Variants in IL17B observed in about 807,000 individuals in gnomAD.
IL17B encodes the protein interleukin 17B.
A neutral mutation model predicts 14.7 loss-of-function variants in IL17B; 14 were observed. That is an observed-to-expected ratio of 0.95 (90% CI 0.63 to 1.49). The LOEUF (loss-of-function observed/expected upper bound fraction) is 1.49, where lower values mean the gene tolerates loss of function less well. IL17B is among the 40% of genes most tolerant of loss of function. The pLI is 0.00. For synonymous variants in IL17B, 105 were observed against 94.8 expected (o/e 1.11, Z -0.62); for missense variants, 233 against 252.8 (o/e 0.92, Z 0.53).
At chr5:149,378,686 A>T (rs1221541523) in intron 1 of IL17B, among the ~76,000 whole-genome samples, 2 of 152,352 alleles carry the variant, frequency 1.3e-5, no homozygotes, top group South Asian at 4.1e-4. Context: ...TGCAACAGAG[A>T]TTCAAGTGCT....
At chr5:149,387,266 A>C (rs974346373) in intron 1 of IL17B, among the ~76,000 whole-genome samples, 1 of 152,220 alleles carries the variant, frequency 6.6e-6, no homozygotes, top group African/African-American at 2.4e-5. Flanking sequence ...TACTGTGAGG[A>C]AAGAGGAAGA....
chr5:149,375,069 G>T (rs1334109810), intron 2 of IL17B: 1 of 155,724 alleles, frequency 6.4e-6, no homozygotes, highest in African/African-American at 2.4e-5. Context: ...TGTTTATATT[G>T]TTGGGAAACT....
chr5:149,389,636 C>G (rs756702658), intron 1 of IL17B, among the ~76,000 whole-genome samples: 4 of 152,192 alleles, frequency 2.6e-5, no homozygotes, highest in African/African-American at 7.2e-5. Context: ...AGGAGGGGAT[C>G]TCCTGGAATT....
intron 1 of IL17B, among the ~76,000 whole-genome samples, chr5:149,400,935 TCTCGATGGA>T (rs898500713): frequency 3.3e-5 from 5 of 152,082 alleles, no homozygotes; most frequent in African/African-American, 1.2e-4. Context: ...CTAGTCAGGC[TCTCGATGGA>T]CTAGATGCTG....
intron 1 of IL17B, among the ~76,000 whole-genome samples, chr5:149,401,978 G>A (rs1057084426): frequency 2.0e-5 from 3 of 152,176 alleles, no homozygotes; most frequent in Non-Finnish European, 4.4e-5. Context: ...TGTTCAGGGT[G>A]CAATTAGTGT....
At chr5:149,385,356 A>C (rs1366930241) in intron 1 of IL17B, among the ~76,000 whole-genome samples, 1 of 149,240 alleles carries the variant, frequency 6.7e-6, no homozygotes, top group East Asian at 2.0e-4. Context: ...ACTCCATCTC[A>C]GAAAAAACAA....
chr5:149,384,018 G>A (rs138400245), upstream of IL17B, among the ~76,000 whole-genome samples: 4 of 152,332 alleles, frequency 2.6e-5, no homozygotes, highest in South Asian at 2.1e-4. Context: ...GCCATCAGAG[G>A]TAGGGGATAC....
intron 1 of IL17B, among the ~76,000 whole-genome samples, chr5:149,384,522 G>T (rs754059637): frequency 6.6e-6 from 1 of 152,172 alleles, no homozygotes; most frequent in Non-Finnish European, 1.5e-5. Flanking sequence ...AAGCACAGAC[G>T]ATGAACCAGA....
At chr5:149,400,810 T>C (rs1429717913) in intron 1 of IL17B, among the ~76,000 whole-genome samples, 2 of 152,152 alleles carry the variant, frequency 1.3e-5, no homozygotes, top group Non-Finnish European at 2.9e-5. Flanking sequence ...GTGCCACTGG[T>C]GTAAGTCCCA....
chr5:149,403,076 T>C (rs867457367), intron 1 of IL17B, among the ~76,000 whole-genome samples: 6 of 133,930 alleles, frequency 4.5e-5, no homozygotes, highest in South Asian at 4.3e-4. Context: ...CTGTTTTGTT[T>C]TGTTTTGTTT....
Position 149,376,738 on chromosome 5 carries a change from G to C in IL17B, c.309C>G (p.Tyr103Ter). The change falls in exon 2 of 3, where the codon TAC becomes TAG. Residue 103 changes from tyrosine (Y) to a stop codon, truncating the protein, a stop_gained and splice_region_variant. Coordinates refer to ENST00000261796, the MANE Select transcript of IL17B (RefSeq NM_014443.3). LOFTEE classifies it high-confidence loss of function. The stretch of plus-strand genomic sequence containing the variant: ...CTTGCCACCACTGCCCAGCCTACCT[G>C]TAGCCCCAGGGAGACAGGCTCCTCT... ...SNKRSLSPWG[Y>*]SINHDPSRIP... The C allele has an allele frequency of 1.2e-6, 2 of 1,603,188 alleles. No individual in the cohort carries two copies. The highest frequency in any genetic ancestry group is 1.7e-6 in the Non-Finnish European group (2 of 1,174,290).
intron 1 of IL17B, among the ~76,000 whole-genome samples, chr5:149,398,117 G>C (rs1759128795): frequency 6.6e-6 from 1 of 152,064 alleles, no homozygotes; most frequent in Non-Finnish European, 1.5e-5. Context: ...AAGTCCATAA[G>C]TCCACCCCTT....
At chr5:149,392,149 C>G (rs1463657156) in intron 1 of IL17B, among the ~76,000 whole-genome samples, 4 of 152,230 alleles carry the variant, frequency 2.6e-5, no homozygotes, top group Non-Finnish European at 5.9e-5. Context: ...TTTGATCCAA[C>G]AATCGCTCTT....
At chr5:149,383,017 T>C (rs1758738608), upstream of IL17B, among the ~76,000 whole-genome samples, 1 of 152,222 alleles carries the variant, frequency 6.6e-6, no homozygotes, top group Admixed American at 6.5e-5. Flanking sequence ...CCTCCACAGA[T>C]GGGCTGGCCT....
upstream of IL17B, among the ~76,000 whole-genome samples, chr5:149,379,554 G>C (rs566952192): frequency 1.7e-3 from 264 of 152,348 alleles, no homozygotes; most frequent in Middle Eastern, 6.8e-3. Flanking sequence ...CGGCCGCCCA[G>C]CCAGCACCCA....
chr5:149,381,058 T>A (rs2227440), upstream of IL17B, among the ~76,000 whole-genome samples: 3,109 of 152,122 alleles, frequency 0.02, 59 homozygotes, highest in African/African-American at 0.055. Flanking sequence ...CTGCACACAC[T>A]CTGCTGCTGC....
chr5:149,376,393 A>G (rs991551042), intron 2 of IL17B, among the ~76,000 whole-genome samples: 21 of 152,242 alleles, frequency 1.4e-4, no homozygotes, highest in African/African-American at 5.1e-4. Flanking sequence ...GCCACACCTG[A>G]GAAGGGCGTC....
rs543077819 is a variant in IL17B, at chr5:149,395,841, T to C, written n.95+8267A>G. ...GTACATGCCACCATGCCCAGCTAAT[T>C]TTTGTATTTTTACTACAGATGGGGT... On this transcript the variant is annotated intron_variant and non_coding_transcript_variant, in intron 1 of 2. Transcript: ENST00000505432. Among the ~76,000 whole-genome samples the C allele has an allele frequency of 3.9e-5, 6 of 152,162 alleles. No individual in the cohort carries two copies. In the South Asian group the frequency reaches 1.2e-3, roughly 32 times the overall value.
chr5:149,390,650 C>G (rs987164090), intron 1 of IL17B, among the ~76,000 whole-genome samples: 1 of 145,640 alleles, frequency 6.9e-6, no homozygotes, highest in African/African-American at 2.6e-5. Context: ...CAAGGCCCTC[C>G]AAGTCCCTTC....
Sources: allele counts gnomAD v4.1 joint callset (sites outside exome capture counted in the v4.1 genomes callset), GRCh38; gene constraint gnomAD v4.1.1; transcripts MANE v1.5; gene names NCBI Gene and HGNC (gene_info 2026-07-23, HGNC 2026-07-21).